MGAT4C: variants seen among roughly 807,000 people sequenced by gnomAD.
The protein encoded by MGAT4C is MGAT4 family member C.
A neutral mutation model predicts 40.1 loss-of-function variants in MGAT4C; 19 were observed. That is an observed-to-expected ratio of 0.47 (90% confidence interval 0.33 to 0.70). The LOEUF is 0.70. MGAT4C is among the 30% of genes least tolerant of loss of function. MGAT4C has a pLI of 0.02. For missense variants in MGAT4C, 491 were observed against 563.2 expected, an observed-to-expected ratio of 0.87 and a Z score of 1.30; for synonymous variants, 181 against 187.1, an observed-to-expected ratio of 0.97 and a Z score of 0.27.
chr12:86,329,084 C>G (rs937038465), intron 4 of MGAT4C, among the ~76,000 whole-genome samples: 15 of 149,740 alleles, frequency 1.0e-4, no homozygotes, highest in South Asian at 4.2e-4. Context: ...GCCTGGGCAA[C>G]AGAGCAAGAC....
chr12:86,533,628 C>G (rs1162178368), intron 2 of MGAT4C, among the ~76,000 whole-genome samples: 6 of 151,186 alleles, frequency 4.0e-5, no homozygotes, highest in Non-Finnish European at 5.9e-5. Context: ...GTACTATATA[C>G]TACTATATAC....
rs558940070 is a variant in MGAT4C at position 86,410,273 on chromosome 12, A to C, written c.-120+24884T>G. 6.6e-5 allele frequency among the ~76,000 whole-genome samples: 10 copies of C among 152,270 alleles called. 1 individual carries two copies. The East Asian group carries it at 1.9e-3, about 29-fold the overall frequency. Reference sequence around the variant, plus strand: ...ACCCTAATAAGCCTGAGGGTACTGCAGGAGACCAGGGCATAATTCAGTTCT... The same window carrying C: ...ACCCTAATAAGCCTGAGGGTACTGCCGGAGACCAGGGCATAATTCAGTTCT... On this transcript the variant is annotated intron_variant, in intron 3 of 7. Coordinates refer to the MGAT4C transcript ENST00000548651.
At chr12:86,125,627 C>T (rs1566018964) in intron 1 of MGAT4C, among the ~76,000 whole-genome samples, 1 of 152,028 alleles carries the variant, frequency 6.6e-6, no homozygotes, top group Non-Finnish European at 1.5e-5. Flanking sequence ...GAATAGTTTC[C>T]TTTCAATGAA....
chr12:86,021,022 T>C (rs1370916786), intron 2 of MGAT4C, among the ~76,000 whole-genome samples: 2 of 151,966 alleles, frequency 1.3e-5, no homozygotes, highest in Non-Finnish European at 2.9e-5. Flanking sequence ...GAAATGCAAA[T>C]CAAAACCACA....
chr12:86,307,255 C>A (rs1236020410), intron 4 of MGAT4C, among the ~76,000 whole-genome samples: 1 of 150,418 alleles, frequency 6.6e-6, no homozygotes, highest in African/African-American at 2.5e-5. Context: ...GAGAAATTAT[C>A]TTTATAGTGT....
At chr12:86,363,345 A>C (rs1038741384) in intron 3 of MGAT4C, among the ~76,000 whole-genome samples, 10 of 152,124 alleles carry the variant, frequency 6.6e-5, no homozygotes, top group Admixed American at 2.6e-4. Context: ...TGGAAATTAA[A>C]CAACATACTT....
chr12:86,195,194 C>T (rs1343906016), intron 1 of MGAT4C, among the ~76,000 whole-genome samples: 1 of 152,176 alleles, frequency 6.6e-6, no homozygotes, highest in African/African-American at 2.4e-5. Flanking sequence ...GGAAAGGTGG[C>T]ACAGAAATTT....
At chr12:85,984,118 C>T (rs967210079) in intron 3 of MGAT4C, among the ~76,000 whole-genome samples, 3 of 151,896 alleles carry the variant, frequency 2.0e-5, no homozygotes, top group Non-Finnish European at 4.4e-5. Context: ...AATAAAAGAT[C>T]ACACAGTGTC....
chr12:86,406,018 AATAC>A (rs1956465120), intron 3 of MGAT4C, among the ~76,000 whole-genome samples: 1 of 141,670 alleles, frequency 7.1e-6, no homozygotes, highest in African/African-American at 2.6e-5. Flanking sequence ...AATATATACA[AATAC>A]ATATTATATA....
intron 2 of MGAT4C, among the ~76,000 whole-genome samples, chr12:86,634,887 A>T (rs1963170561): frequency 6.6e-6 from 1 of 152,150 alleles, no homozygotes; most frequent in African/African-American, 2.4e-5. Flanking sequence ...GAAAAGAAGG[A>T]GATTATGTAA....
rs547376671 is a variant in MGAT4C, at chr12:86,178,103, A to G, written c.-57+78136T>C. Among the ~76,000 whole-genome samples the G allele has an allele frequency of 3.3e-5, 5 of 152,020 alleles. No individual in the cohort carries two copies. The East Asian group carries it at 5.8e-4, about 18-fold the overall frequency. On this transcript the variant is annotated intron_variant, in intron 1 of 4. Transcript: ENST00000611864. ...AGGTGCCCACCACCATGCCCGGCTA[A>G]TTTTTTGTATTTTTGGTAGAGACAG...
chr12:86,408,809 A>G (rs959402765), intron 3 of MGAT4C, among the ~76,000 whole-genome samples: 1 of 151,870 alleles, frequency 6.6e-6, no homozygotes, highest in African/African-American at 2.4e-5. Context: ...TTCTGTCTCC[A>G]TTTTTCCAGA....
intron 2 of MGAT4C, among the ~76,000 whole-genome samples, chr12:86,558,642 C>T (rs1959724228): frequency 6.6e-6 from 1 of 152,062 alleles, no homozygotes; most frequent in East Asian, 1.9e-4. Flanking sequence ...ATAGGAAATG[C>T]ATAAGTGAGT....
chr12:86,023,471 T>C lies in MGAT4C; in HGVS notation c.-7+26203A>G, dbSNP rs572999970. ...CAGTAGGATTTAGGTATCCTCATGTTTTTAAAGCCAAGTGGTGAAGCTAGA... is the reference window on the plus strand; with the variant it reads ...CAGTAGGATTTAGGTATCCTCATGTCTTTAAAGCCAAGTGGTGAAGCTAGA... On this transcript the variant is annotated intron_variant, in intron 2 of 4. Transcript: ENST00000611864. Among the ~76,000 whole-genome samples, 8 of 151,538 alleles carry C rather than the reference T, an allele frequency of 5.3e-5. No individual in the cohort carries two copies. In the East Asian group the frequency reaches 1.4e-3, roughly 26 times the overall value.
chr12:86,620,870 C>T (rs1228946825), intron 2 of MGAT4C, among the ~76,000 whole-genome samples: 4 of 152,084 alleles, frequency 2.6e-5, no homozygotes, highest in Admixed American at 2.6e-4. Flanking sequence ...CTCTCTCTTC[C>T]TCCTGCTCCC....
At chr12:86,710,823 G>A (rs920428970) in intron 2 of MGAT4C, among the ~76,000 whole-genome samples, 3 of 152,086 alleles carry the variant, frequency 2.0e-5, no homozygotes, top group Non-Finnish European at 4.4e-5. Flanking sequence ...AGAACATGTG[G>A]TATATATACA....
intron 1 of MGAT4C, among the ~76,000 whole-genome samples, chr12:86,782,021 CTCGT>C (rs1486198370): frequency 6.6e-6 from 1 of 151,996 alleles, no homozygotes; most frequent in African/African-American, 2.4e-5. Context: ...GAGATGGCGT[CTCGT>C]TCTGTTGCCC....
At chr12:86,810,494 G>T (rs192558186) in intron 1 of MGAT4C, among the ~76,000 whole-genome samples, 1 of 151,876 alleles carries the variant, frequency 6.6e-6, no homozygotes, top group African/African-American at 2.4e-5. Flanking sequence ...TTTTCAAGTT[G>T]AGGTAATTCC....
intron 2 of MGAT4C, among the ~76,000 whole-genome samples, chr12:86,021,121 C>T (rs945108210): frequency 6.6e-6 from 1 of 152,132 alleles, no homozygotes; most frequent in African/African-American, 2.4e-5. Context: ...GAAACAGGAA[C>T]ACTTTTACAC....
Sources: allele counts gnomAD v4.1 joint callset (sites outside exome capture counted in the v4.1 genomes callset), GRCh38; gene constraint gnomAD v4.1.1; transcripts MANE v1.5; gene names NCBI Gene and HGNC (gene_info 2026-07-23, HGNC 2026-07-21).